RBFOX1: variants seen among roughly 807,000 people sequenced by gnomAD.
RBFOX1 encodes the protein RNA binding fox-1 homolog 1, also known as RNA binding protein fox-1 homolog 1.
In RBFOX1, 8 loss-of-function variants were observed where a neutral mutation model predicts 57.7. That is an observed-to-expected ratio of 0.14 (90% CI 0.08 to 0.25). The LOEUF (loss-of-function observed/expected upper bound fraction) is 0.25, where lower values mean the gene tolerates loss of function less well. Among genes scored for constraint, RBFOX1 ranks in the 10% least tolerant of loss-of-function variants. RBFOX1 has a pLI of 1.00. For missense variants in RBFOX1, 611 were observed against 548.5 expected (o/e 1.11, Z -1.14); for synonymous variants, 326 against 222.4 (o/e 1.47, Z -4.15).
At chr16:6,305,975 T>A (rs1191202585) in intron 1 of RBFOX1, among the ~76,000 whole-genome samples, 1 of 152,148 alleles carries the variant, frequency 6.6e-6, no homozygotes, top group Non-Finnish European at 1.5e-5. Context: ...TGAAAGCCCC[T>A]GGGTCTCAGA....
intron 3 of RBFOX1, among the ~76,000 whole-genome samples, chr16:6,944,311 C>T (rs548410688): frequency 4.1e-4 from 62 of 151,132 alleles, no homozygotes; most frequent in African/African-American, 1.4e-3. Flanking sequence ...AGGAGAATCG[C>T]TTGAACCGAA....
chr16:7,308,104 T>C (rs2096233884), intron 4 of RBFOX1, among the ~76,000 whole-genome samples: 1 of 152,062 alleles, frequency 6.6e-6, no homozygotes, highest in Admixed American at 6.6e-5. Flanking sequence ...AGAGAAGAAA[T>C]AGAAAACAGC....
intron 1 of RBFOX1, among the ~76,000 whole-genome samples, chr16:6,142,380 C>T (rs1348520011): frequency 4.6e-5 from 7 of 151,536 alleles, no homozygotes; most frequent in Admixed American, 6.6e-5. Flanking sequence ...CGCCTCCGCA[C>T]GTGGCTAATT....
intron 3 of RBFOX1, among the ~76,000 whole-genome samples, chr16:5,750,935 C>G (rs1268860725): frequency 6.6e-6 from 1 of 152,214 alleles, no homozygotes; most frequent in African/African-American, 2.4e-5. Context: ...CAGAAATTAC[C>G]TGTCTTCTGC....
chr16:7,390,478 C>A (rs758171735), intron 4 of RBFOX1, among the ~76,000 whole-genome samples: 2 of 152,178 alleles, frequency 1.3e-5, no homozygotes, highest in Non-Finnish European at 2.9e-5. Context: ...CTCTCAAAGC[C>A]TTGCCATATC....
At chr16:6,999,630 T>G (rs1596498268) in intron 3 of RBFOX1, among the ~76,000 whole-genome samples, 2 of 152,284 alleles carry the variant, frequency 1.3e-5, no homozygotes, top group East Asian at 3.9e-4. Context: ...ACTTGTTTTG[T>G]GCTTTAATCT....
intron 4 of RBFOX1, among the ~76,000 whole-genome samples, chr16:7,069,216 C>A (rs1333156317): frequency 6.6e-6 from 1 of 151,938 alleles, no homozygotes; most frequent in African/African-American, 2.4e-5. Context: ...TTTTAAGTTC[C>A]AGGATACATG....
chr16:5,742,021 T>C (rs1009030233), intron 3 of RBFOX1, among the ~76,000 whole-genome samples: 3 of 152,188 alleles, frequency 2.0e-5, no homozygotes, highest in Non-Finnish European at 4.4e-5. Context: ...GGGAGAATTT[T>C]AGAAATAAGA....
intron 4 of RBFOX1, among the ~76,000 whole-genome samples, chr16:5,970,180 G>T (rs1185295147): frequency 6.6e-6 from 1 of 152,156 alleles, no homozygotes; most frequent in Non-Finnish European, 1.5e-5. Context: ...TTGGGATATG[G>T]ATGGTTGGTC....
intron 2 of RBFOX1, among the ~76,000 whole-genome samples, chr16:5,558,206 G>A (rs1337983051): frequency 6.6e-6 from 1 of 152,196 alleles, no homozygotes; most frequent in Non-Finnish European, 1.5e-5. Flanking sequence ...TAGCCCCCCT[G>A]CCCTTGTGAT....
At chr16:7,470,012 G>T (rs946968001) in intron 4 of RBFOX1, among the ~76,000 whole-genome samples, 1 of 135,870 alleles carries the variant, frequency 7.4e-6, no homozygotes, top group Admixed American at 7.4e-5. Context: ...CTACAGCATG[G>T]GTCAGTTTTT....
At chr16:5,535,545 G>A (rs1279633234) in intron 2 of RBFOX1, among the ~76,000 whole-genome samples, 2 of 152,152 alleles carry the variant, frequency 1.3e-5, no homozygotes, top group Non-Finnish European at 2.9e-5. Flanking sequence ...CCAGCCCTAG[G>A]AATAATCCTC....
intron 2 of RBFOX1, among the ~76,000 whole-genome samples, chr16:6,523,141 C>G (rs144940465): frequency 3.3e-5 from 5 of 152,192 alleles, no homozygotes; most frequent in Admixed American, 2.0e-4. Context: ...CCAACTGGAA[C>G]GTAGGTAGCA....
chr16:6,302,471 C>T (rs577085832), intron 1 of RBFOX1, among the ~76,000 whole-genome samples: 8 of 152,020 alleles, frequency 5.3e-5, no homozygotes, highest in Non-Finnish European at 8.8e-5. Flanking sequence ...GTCAGATATC[C>T]CCTTCGACTA....
At chr16:5,938,670 T>A (rs1318413557) in intron 4 of RBFOX1, among the ~76,000 whole-genome samples, 11 of 152,168 alleles carry the variant, frequency 7.2e-5, no homozygotes, top group Admixed American at 4.6e-4. Flanking sequence ...GGGGTCATTT[T>A]TTCTTTGTCA....
intron 1 of RBFOX1, among the ~76,000 whole-genome samples, chr16:5,440,440 G>A (rs975610914): frequency 1.3e-5 from 2 of 152,130 alleles, no homozygotes; most frequent in African/African-American, 2.4e-5. Context: ...AAATTTCCAC[G>A]GTGTTGTTTT....
chr16:6,388,968 C>T (rs2092450111), intron 2 of RBFOX1, among the ~76,000 whole-genome samples: 1 of 152,164 alleles, frequency 6.6e-6, no homozygotes, highest in Non-Finnish European at 1.5e-5. Context: ...ACAATGACAT[C>T]ACTTGAAAGG....
intron 5 of RBFOX1, among the ~76,000 whole-genome samples, chr16:7,546,676 G>A (rs572295060): frequency 2.1e-4 from 32 of 152,200 alleles, no homozygotes; most frequent in African/African-American, 7.2e-4. Flanking sequence ...ATACAATTCC[G>A]AGTCATTATT....
intron 1 of RBFOX1, among the ~76,000 whole-genome samples, chr16:6,157,590 G>A (rs1409065123): frequency 6.6e-6 from 1 of 151,928 alleles, no homozygotes; most frequent in African/African-American, 2.4e-5. Context: ...TAAATACCCA[G>A]CCACCACTAA....
Sources: gnomAD v4.1 joint callset for allele counts (sites outside exome capture counted in the v4.1 genomes callset) on GRCh38, gnomAD v4.1.1 for gene constraint, MANE v1.5 for transcripts, NCBI Gene and HGNC (gene_info 2026-07-23, HGNC 2026-07-21) for gene names.